RNF19A: variants seen among roughly 807,000 people sequenced by gnomAD.
The protein encoded by RNF19A is E3 ubiquitin-protein ligase RNF19A.
RNF19A carries 32 observed loss-of-function variants against 75.7 expected under a neutral mutation model. That is an observed-to-expected ratio of 0.42 (90% CI 0.32 to 0.57). The LOEUF (loss-of-function observed/expected upper bound fraction) is 0.57. Among genes scored for constraint, RNF19A ranks in the 20% least tolerant of loss-of-function variants. The pLI is 0.10. For missense variants in RNF19A, 782 were observed against 1,036.3 expected, an observed-to-expected ratio of 0.75 and a Z score of 3.37; for synonymous variants, 335 against 345.2, an observed-to-expected ratio of 0.97 and a Z score of 0.33.
intron 1 of RNF19A, among the ~76,000 whole-genome samples, chr8:100,298,592 A>G (rs138540569): frequency 1.3e-5 from 2 of 152,300 alleles, no homozygotes; most frequent in African/African-American, 4.8e-5. Context: ...AAAGTTCAGA[A>G]TAAGCTATTC....
Position 100,258,568 on chromosome 8 carries a change from C to A in RNF19A, c.2505G>T (p.Gln835His). Residue 835 changes from glutamine (Q) to histidine (H), a missense_variant, in exon 10 of 10, where the codon CAG (glutamine) becomes CAT (histidine). By Grantham distance (24) the Gln-to-His change is conservative (BLOSUM62 0). Around this residue, in one of 7 missense-constraint regions of RNF19A, gnomAD observed 442 missense variants for 541.6 expected, o/e 0.82. Transcript: ENST00000341084. This position sits in a 1 kb window ranked among gnomAD's most constrained non-coding sequence, Gnocchi z 4.3. Reference sequence around the variant, plus strand: ...AGCATTTATGGGCCTAAATTTCAGTCTGAATTGCAACTTTTAATTCCATTG... The same window carrying A: ...AGCATTTATGGGCCTAAATTTCAGTATGAATTGCAACTTTTAATTCCATTG... ...HQTMELKVAI[Q>H]TEI 3 of 1,608,282 alleles carry A rather than the reference C, an allele frequency of 1.9e-6. No homozygotes were observed. In the South Asian group the frequency reaches 3.3e-5, roughly 18 times the overall value.
chr8:100,316,316 G>A (rs552167199), intron 1 of RNF19A, among the ~76,000 whole-genome samples: 8 of 152,230 alleles, frequency 5.3e-5, no homozygotes, highest in Admixed American at 6.5e-5. Flanking sequence ...TGCAAAGAGC[G>A]AAAGAACGAA....
intron 1 of RNF19A, among the ~76,000 whole-genome samples, chr8:100,315,401 A>G (rs7846076): frequency 0.4 from 60,110 of 151,428 alleles, 12,027 homozygotes; most frequent in East Asian, 0.48. Flanking sequence ...ACTGGGGGGG[A>G]AAAATGCAAC....
Position 100,261,454 on chromosome 8 carries a change from AATC to A in RNF19A, c.1682+85_1682+87del, listed in dbSNP as rs1176334125. Reference sequence around the variant, plus strand: ...ACCTTGACATAGTAGGGTTATATATAATCATCATGCTTTATGTTCAAAATTCTC... The same window carrying A: ...ACCTTGACATAGTAGGGTTATATATAATCATGCTTTATGTTCAAAATTCTC... On this transcript the variant is annotated intron_variant, in intron 8 of 9. Coordinates refer to ENST00000341084, the MANE Select transcript of RNF19A (RefSeq NM_183419.4). This position sits in a 1 kb window ranked among gnomAD's most constrained non-coding sequence, Gnocchi z 4.4. 3 of 1,157,950 alleles carry A rather than the reference AATC, an allele frequency of 2.6e-6. No homozygotes were observed. The highest frequency in any genetic ancestry group is 3.8e-6 in the Non-Finnish European group (3 of 780,678). 71.7% of individuals were successfully genotyped at this position (1,157,950 alleles called of 1,614,324 possible).
Position 100,258,648 on chromosome 8 carries a change from C to A in RNF19A, c.2425G>T (p.Asp809Tyr), listed in dbSNP as rs1358277595. 4 of 1,613,914 alleles carry A rather than the reference C, an allele frequency of 2.5e-6. No homozygotes were observed. Among genetic ancestry groups the A allele is most frequent in the Non-Finnish European group, 3.4e-6 (4 of 1,179,928 alleles). The stretch of plus-strand genomic sequence containing the variant: ...TTTAGTGCATCGCCAAAATATAAAT[C>A]AACATTAGGTTTTATTCCATTGTTA... ...HGNNGIKPNV[D>Y]LYFGDALKET... Residue 809 changes from aspartate (D) to tyrosine (Y), a missense_variant, in exon 10 of 10, where the codon GAT (aspartate) becomes TAT (tyrosine). Physicochemically the swap from Asp to Tyr is radical, Grantham distance 160. Coordinates refer to ENST00000341084, the MANE Select transcript of RNF19A (RefSeq NM_183419.4). This position sits in a 1 kb window ranked among gnomAD's most constrained non-coding sequence, Gnocchi z 4.3.
intron 1 of RNF19A, among the ~76,000 whole-genome samples, chr8:100,288,565 T>C (rs1242691023): frequency 6.6e-6 from 1 of 152,214 alleles, no homozygotes; most frequent in Non-Finnish European, 1.5e-5. Flanking sequence ...GGTCTTTTTG[T>C]TGTTGTTTAT....
intron 1 of RNF19A, among the ~76,000 whole-genome samples, chr8:100,319,745 G>C (rs939509482): frequency 6.6e-6 from 1 of 151,748 alleles, no homozygotes; most frequent in East Asian, 1.9e-4. Flanking sequence ...GGCCAGGCTG[G>C]TCTCCATCTC....
chr8:100,277,772 T>C (rs574815557), intron 2 of RNF19A, among the ~76,000 whole-genome samples: 1 of 147,870 alleles, frequency 6.8e-6, no homozygotes, highest in African/African-American at 2.5e-5. Context: ...CAGTCCCAGA[T>C]AAAGAAAAAA....
intron 5 of RNF19A, among the ~76,000 whole-genome samples, chr8:100,266,027 A>C (rs918631686): frequency 2.6e-5 from 4 of 152,256 alleles, no homozygotes; most frequent in Non-Finnish European, 5.9e-5. Context: ...TTGCAAAGGC[A>C]GGCTGCCAAG....
Position 100,284,592 on chromosome 8 carries a change from G to C in RNF19A, c.674+2909C>G, listed in dbSNP as rs568754593. Reference sequence around the variant, plus strand: ...GTTGTTTTCATAGTAACAGAGTCTAGTAAAGCAAGTGTTTCTATTATTTTA... The same window carrying C: ...GTTGTTTTCATAGTAACAGAGTCTACTAAAGCAAGTGTTTCTATTATTTTA... On this transcript the variant is annotated intron_variant, in intron 2 of 9. Coordinates refer to ENST00000341084, the MANE Select transcript of RNF19A (RefSeq NM_183419.4). The surrounding 1 kb of genome is among the most constrained non-coding windows in gnomAD (Gnocchi z 4.3). Among the ~76,000 whole-genome samples the C allele has an allele frequency of 3.9e-5, 6 of 152,080 alleles. No homozygotes were observed. In the South Asian group the frequency reaches 1.2e-3, roughly 32 times the overall value.
chr8:100,308,445 A>G (rs1228992006), intron 1 of RNF19A, among the ~76,000 whole-genome samples: 1 of 152,212 alleles, frequency 6.6e-6, no homozygotes, highest in East Asian at 1.9e-4. Flanking sequence ...TTTTCTAAAT[A>G]GAGAAGTATT....
rs1821061401 is a variant in RNF19A at position 100,287,151 on chromosome 8, AC to A, written c.674+349del. 6.6e-6 allele frequency among the ~76,000 whole-genome samples: 1 copy of A among 151,918 alleles called. No individual in the cohort carries two copies. The highest frequency in any genetic ancestry group is 2.1e-4 in the South Asian group (1 of 4,812). On this transcript the variant is annotated intron_variant, in intron 2 of 9. Coordinates refer to ENST00000341084, the MANE Select transcript of RNF19A (RefSeq NM_183419.4). The surrounding 1 kb of genome is among the most constrained non-coding windows in gnomAD (Gnocchi z 4.1). ...TCATTTGAATTTATGACCACAAATA[AC>A]CCCCTCATCATAAACAAACCTGATC...
Position 100,264,144 on chromosome 8 carries a change from G to A in RNF19A, c.1358C>T (p.Ser453Phe). ...TCCACAACCTCCGCTTCGACAAAGA[G>A]AAATTGGAACTACGCCATAGACATA... Reference protein sequence around the residue: ...LAYVYGVVPISLCRSGGCGVS... With the variant: ...LAYVYGVVPIFLCRSGGCGVS... The change falls in exon 7 of 10, where the codon TCT becomes TTT. Residue 453 changes from serine to phenylalanine, a missense_variant. Transcript: ENST00000341084. The surrounding 1 kb of genome is among the most constrained non-coding windows in gnomAD (Gnocchi z 4.7). The A allele has an allele frequency of 6.2e-7, 1 of 1,613,658 alleles. No individual in the cohort carries two copies.
chr8:100,272,998 T>C (rs1156646741), intron 3 of RNF19A, among the ~76,000 whole-genome samples: 2 of 152,010 alleles, frequency 1.3e-5, no homozygotes, highest in African/African-American at 2.4e-5. Flanking sequence ...CCTGGCTTGC[T>C]GGGACCAGAG....
At chr8:100,321,667 T>A (rs993109351) in intron 1 of RNF19A, among the ~76,000 whole-genome samples, 2 of 152,250 alleles carry the variant, frequency 1.3e-5, no homozygotes, top group African/African-American at 4.8e-5. Context: ...GGAATCACTA[T>A]CTATGGAAGC....
At chr8:100,314,712 T>G (rs968036693), upstream of RNF19A, among the ~76,000 whole-genome samples, 1 of 152,180 alleles carries the variant, frequency 6.6e-6, no homozygotes, top group Admixed American at 6.5e-5. This position sits in a 1 kb window ranked among gnomAD's most constrained non-coding sequence, Gnocchi z 4.1. Context: ...CTCATTTCTA[T>G]CAACTCTCAC....
chr8:100,310,120 C>T (rs772241749), upstream of RNF19A: 79 of 985,492 alleles, frequency 8.0e-5, no homozygotes, highest in Non-Finnish European at 9.3e-5. Context: ...CCCGCAGCCC[C>T]CGCTTTCCCC....
intron 5 of RNF19A, among the ~76,000 whole-genome samples, chr8:100,267,315 G>A (rs753768637): frequency 3.3e-5 from 5 of 152,010 alleles, no homozygotes; most frequent in Non-Finnish European, 7.4e-5. Flanking sequence ...GTTGCTGCAG[G>A]GTTAAAATAA....
intron 1 of RNF19A, among the ~76,000 whole-genome samples, chr8:100,334,730 T>C (rs192788885): frequency 1.3e-5 from 2 of 152,296 alleles, no homozygotes. Context: ...CGTGCACCCA[T>C]TCAGCACTTT....
Sources: allele counts gnomAD v4.1 joint callset (sites outside exome capture counted in the v4.1 genomes callset), GRCh38; gene constraint gnomAD v4.1.1; regional missense constraint gnomAD v4.1.1; non-coding constraint Gnocchi (gnomAD v3.1); transcripts MANE v1.5; gene names NCBI Gene and HGNC (gene_info 2026-07-23, HGNC 2026-07-21).